TMEM267: variants seen among roughly 807,000 people sequenced by gnomAD.
TMEM267 encodes transmembrane protein C5orf28.
A neutral mutation model predicts 19.3 loss-of-function variants in TMEM267; 20 were observed. The observed-to-expected ratio is 1.04, with a 90% CI of 0.73 to 1.51. TMEM267 has a LOEUF of 1.51. TMEM267 is among the 40% of genes most tolerant of loss of function. The pLI is 0.00. For synonymous variants in TMEM267, 88 were observed against 90.3 expected, an observed-to-expected ratio of 0.97 and a Z score of 0.15; for missense variants, 242 against 261.9, an observed-to-expected ratio of 0.92 and a Z score of 0.52.
intron 1 of TMEM267, among the ~76,000 whole-genome samples, chr5:43,456,580 CA>C (rs1181208254): frequency 6.6e-6 from 1 of 151,952 alleles, no homozygotes; most frequent in African/African-American, 2.4e-5. Context: ...CAAACCAATA[CA>C]AAAATGGACA....
Position 43,454,023 on chromosome 5 carries a change from C to G in TMEM267, c.-54G>C. On this transcript the variant is annotated 5_prime_UTR_variant, in exon 2 of 3. Coordinates refer to ENST00000397080, the MANE Select transcript of TMEM267 (RefSeq NM_022483.5). Reference sequence around the variant, plus strand: ...AGCCATCAGGAATGAACAGTCTATTCTTGTTTACATTTCCAGCACCCTAAA... The same window carrying G: ...AGCCATCAGGAATGAACAGTCTATTGTTGTTTACATTTCCAGCACCCTAAA... The G allele has an allele frequency of 6.4e-7, 1 of 1,558,648 alleles. No individual in the cohort carries two copies. The highest frequency in any genetic ancestry group is 1.4e-5 in the African/African-American group (1 of 72,898).
chr5:43,456,755 G>T (rs1000201060), intron 1 of TMEM267, among the ~76,000 whole-genome samples: 2 of 152,194 alleles, frequency 1.3e-5, no homozygotes, highest in African/African-American at 4.8e-5. Flanking sequence ...CCCAGATGTT[G>T]ACAAAGATGT....
intron 1 of TMEM267, among the ~76,000 whole-genome samples, chr5:43,470,558 C>T (rs115252650): frequency 0.015 from 2,212 of 152,284 alleles, 46 homozygotes; most frequent in African/African-American, 0.045. Flanking sequence ...GGCTGTGTCA[C>T]GGGCACATCC....
rs370051225 is a variant in TMEM267, at chr5:43,446,398, G to A, written c.472C>T (p.Arg158Ter). Reference protein sequence around the residue: ...LFISWTSHHIRDGIRHGLWIC... With the variant: ...LFISWTSHHI ...CACAAACCATGACGAATCCCATCTC[G>A]GATATGATGTGAAGTCCAGGATATA... The change falls in exon 3 of 3, where the codon CGA becomes TGA. Residue 158 changes from arginine to a stop codon, truncating the protein, a stop_gained. Transcript: ENST00000397080. LOFTEE classifies it high-confidence loss of function. The A allele has an allele frequency of 6.2e-6, 10 of 1,613,910 alleles. No homozygotes were observed. The highest frequency in any genetic ancestry group is 2.2e-5 in the South Asian group (2 of 91,082).
At chr5:43,482,048 T>C (rs748520405) in intron 1 of TMEM267, among the ~76,000 whole-genome samples, 2 of 152,186 alleles carry the variant, frequency 1.3e-5, no homozygotes, top group Non-Finnish European at 2.9e-5. Context: ...TTCACCCGTG[T>C]TAGCCAGGAT....
intron 1 of TMEM267, among the ~76,000 whole-genome samples, chr5:43,464,562 A>C (rs200261675): frequency 0.068 from 6,206 of 91,130 alleles, no homozygotes; most frequent in South Asian, 0.075. Flanking sequence ...ACTATACTAC[A>C]AGGCTACAGT....
intron 1 of TMEM267, among the ~76,000 whole-genome samples, chr5:43,483,041 A>C (rs1241740931): frequency 6.6e-6 from 1 of 152,252 alleles, no homozygotes; most frequent in African/African-American, 2.4e-5. Context: ...CGCCTTTATT[A>C]TGCTTTACCA....
intron 1 of TMEM267, among the ~76,000 whole-genome samples, chr5:43,468,974 G>A (rs575312058): frequency 2.3e-4 from 35 of 152,284 alleles, no homozygotes; most frequent in South Asian, 2.1e-3. Flanking sequence ...TGAATGACCA[G>A]TGGGTCAATG....
intron 1 of TMEM267, among the ~76,000 whole-genome samples, chr5:43,455,932 T>A (rs923479626): frequency 1.3e-5 from 2 of 151,784 alleles, no homozygotes; most frequent in Non-Finnish European, 2.9e-5. Context: ...ACCTCCCACG[T>A]TTAAGAAGTT....
At chr5:43,449,819 C>T (rs1742473498) in intron 2 of TMEM267, among the ~76,000 whole-genome samples, 1 of 152,210 alleles carries the variant, frequency 6.6e-6, no homozygotes, top group Admixed American at 6.5e-5. Context: ...GTAATCACTA[C>T]TTGCAAGAAA....
chr5:43,461,858 G>T (rs960801848), intron 1 of TMEM267, among the ~76,000 whole-genome samples: 5 of 152,138 alleles, frequency 3.3e-5, no homozygotes, highest in African/African-American at 1.2e-4. Flanking sequence ...GGGCCTGGGG[G>T]ACCTCACTGC....
intron 1 of TMEM267, among the ~76,000 whole-genome samples, chr5:43,481,343 C>T (rs1265726982): frequency 2.0e-5 from 3 of 151,820 alleles, no homozygotes; most frequent in Non-Finnish European, 1.5e-5. Context: ...CTCAAGTGAT[C>T]CTTCCACTTT....
In TMEM267 at chr5:43,453,951, T is replaced by C; in HGVS notation, c.19A>G (p.Lys7Glu). MASETE[K>E]THALLQTCST... ...CAAGTCTGCAGTAAAGCATGGGTCT[T>C]TTCAGTCTCGGATGCCATGACAAAC... Residue 7 changes from lysine (K) to glutamate (E), a missense_variant, in exon 2 of 3, where the codon AAG (lysine) becomes GAG (glutamate). Coordinates refer to ENST00000397080, the MANE Select transcript of TMEM267 (RefSeq NM_022483.5). The C allele has an allele frequency of 6.2e-7, 1 of 1,613,728 alleles. No homozygotes were observed. Among genetic ancestry groups the C allele is most frequent in the Non-Finnish European group, 8.5e-7 (1 of 1,179,758 alleles).
intron 2 of TMEM267, 142 bp downstream of exon 2, chr5:43,453,516 G>A: frequency 1.4e-6 from 1 of 709,634 alleles, no homozygotes; most frequent in Non-Finnish European, 2.3e-6. Context: ...CTTTAGGCAA[G>A]TACTAAGTGG....
At chr5:43,452,642 A>G (rs1285603792) in intron 2 of TMEM267, among the ~76,000 whole-genome samples, 2 of 151,912 alleles carry the variant, frequency 1.3e-5, no homozygotes, top group Admixed American at 1.3e-4. Flanking sequence ...CCAAACAACC[A>G]GGATTCAAAC....
chr5:43,449,558 A>C (rs1370360894), intron 2 of TMEM267, among the ~76,000 whole-genome samples: 2 of 152,248 alleles, frequency 1.3e-5, no homozygotes, highest in Non-Finnish European at 2.9e-5. Flanking sequence ...TAGAGCTATT[A>C]CTGTAATAAT....
chr5:43,466,197 T>C (rs1056794477), intron 1 of TMEM267, among the ~76,000 whole-genome samples: 2 of 152,040 alleles, frequency 1.3e-5, no homozygotes, highest in Admixed American at 6.6e-5. Context: ...CTTAAGGCAT[T>C]TAATAATAAA....
intron 1 of TMEM267, among the ~76,000 whole-genome samples, chr5:43,461,167 T>C (rs771193122): frequency 6.6e-6 from 1 of 152,266 alleles, no homozygotes; most frequent in East Asian, 1.9e-4. Context: ...ATGTCATTTC[T>C]AGACATACTC....
chr5:43,459,873 C>T (rs917833186), intron 1 of TMEM267, among the ~76,000 whole-genome samples: 10 of 151,994 alleles, frequency 6.6e-5, no homozygotes, highest in South Asian at 2.1e-4. Flanking sequence ...GATGGTTTTG[C>T]GATGATTCAA....
Sources: gnomAD v4.1 joint callset for allele counts (sites outside exome capture counted in the v4.1 genomes callset) on GRCh38, gnomAD v4.1.1 for gene constraint, MANE v1.5 for transcripts, NCBI Gene and HGNC (gene_info 2026-07-23, HGNC 2026-07-21) for gene names.